Variants in TMEM183A observed in about 807,000 individuals in gnomAD.
TMEM183A encodes the protein chromosome 1 open reading frame 37.
A neutral mutation model predicts 46.7 loss-of-function variants in TMEM183A; 21 were observed. The ratio of observed to expected loss-of-function variants is 0.45; its 90% CI spans 0.32 to 0.65. The LOEUF is 0.65. Ranked by LOEUF, TMEM183A falls within the 30% of genes least tolerant of loss-of-function variation. TMEM183A has a pLI of 0.04. For synonymous variants in TMEM183A, 165 were observed against 180.2 expected, an observed-to-expected ratio of 0.92 and a Z score of 0.68; for missense variants, 331 against 481.9, an observed-to-expected ratio of 0.69 and a Z score of 2.93.
In TMEM183A at chr1:203,022,917, C is replaced by T. The variant is rs199954982; in HGVS notation, c.1008C>T (p.Ser336=). 84 of 1,613,154 alleles carry T rather than the reference C, an allele frequency of 5.2e-5. No individual in the cohort carries two copies. Among genetic ancestry groups the T allele is most frequent in the Middle Eastern group, 1.7e-4 (1 of 6,056 alleles). The change falls in exon 8 of 8, where the codon TCC becomes TCT. Residue 336 remains serine, a synonymous_variant. Transcript: ENST00000367242. The stretch of plus-strand genomic sequence containing the variant: ...GAGTGAGACTGGTGTTCCAAGATTC[C>T]CCTGTCCATGGTGGTCGGAAACTGC... The part of the protein sequence containing the change: ...HHRVRLVFQD[S]PVHGGRKLRS...
At chr1:203,008,380 G>A (rs1656194956) in intron 2 of TMEM183A, among the ~76,000 whole-genome samples, 1 of 149,818 alleles carries the variant, frequency 6.7e-6, no homozygotes, top group South Asian at 2.1e-4. Flanking sequence ...TGGAAAAATT[G>A]TACACACCTT....
rs891308502 is a variant in TMEM183A, at chr1:203,013,512, A to G, written c.368-1377A>G. 6.6e-6 allele frequency among the ~76,000 whole-genome samples: 1 copy of G among 151,166 alleles called. No individual in the cohort carries two copies. The highest frequency in any genetic ancestry group is 1.5e-5 in the Non-Finnish European group (1 of 67,812). On this transcript the variant is annotated intron_variant, in intron 3 of 7. Transcript: ENST00000367242. This position sits in a 1 kb window ranked among gnomAD's most constrained non-coding sequence, Gnocchi z 4.0. ...AGTTCTGAAGAAGGAAGAGATAGGG[A>G]CACTTTTTTTTTTTTTTGAGATAGA...
In TMEM183A at chr1:203,008,823, T is replaced by C; in HGVS notation, c.367+13T>C. On this transcript the variant is annotated intron_variant, in intron 3 of 7. Transcript: ENST00000367242. ...AAGAGACACAAAGGTATGGAGCTTG[T>C]TCTCTTTTGGTTTATTAGACCTGCC... 6.3e-7 allele frequency: 1 copy of C among 1,585,156 alleles called. No individual in the cohort carries two copies.
rs1656843593 is a variant in TMEM183A at position 203,013,226 on chromosome 1, CAT to C, written c.368-1661_368-1660del. 6.6e-6 allele frequency among the ~76,000 whole-genome samples: 1 copy of C among 152,166 alleles called. No homozygotes were observed. Among genetic ancestry groups the C allele is most frequent in the African/African-American group, 2.4e-5 (1 of 41,444 alleles). ...ACCTAACCAAATAACCTGATCTAAT[CAT>C]AGAGCTGTAGGAAGCAGTTAGCTAG... On this transcript the variant is annotated intron_variant, in intron 3 of 7. Coordinates refer to ENST00000367242, the MANE Select transcript of TMEM183A (RefSeq NM_138391.6). This position sits in a 1 kb window ranked among gnomAD's most constrained non-coding sequence, Gnocchi z 4.0.
At chr1:203,022,759 G>C (rs1274828635) in intron 7 of TMEM183A, 96 bp from the exon 8 acceptor site, 30 of 1,511,500 alleles carry the variant, frequency 2.0e-5, no homozygotes, top group Non-Finnish European at 2.6e-5. Context: ...TTGTGGCCTA[G>C]CCAGTATAAA....
chr1:203,022,755 C>T (rs1332129460), intron 7 of TMEM183A, 100 bp from the exon 8 acceptor site: 1 of 1,501,478 alleles, frequency 6.7e-7, no homozygotes, highest in Non-Finnish European at 9.2e-7. Context: ...AATCTTGTGG[C>T]CTAGCCAGTA....
At chr1:203,017,714 C>G in intron 5 of TMEM183A, 1 of 985,534 alleles carries the variant, frequency 1.0e-6, no homozygotes, top group Non-Finnish European at 1.2e-6. Context: ...TGTTTCTGGA[C>G]TCTAGCTTTT....
intron 3 of TMEM183A, among the ~76,000 whole-genome samples, chr1:203,012,984 C>T (rs1456159415): frequency 6.6e-6 from 1 of 152,100 alleles, no homozygotes; most frequent in Non-Finnish European, 1.5e-5. Flanking sequence ...CCTCCCAAAG[C>T]GTTGAGATTA....
intron 6 of TMEM183A, among the ~76,000 whole-genome samples, chr1:203,019,423 T>A (rs189154825): frequency 1.3e-5 from 2 of 152,324 alleles, no homozygotes; most frequent in Admixed American, 1.3e-4. Context: ...GAATGTGCTA[T>A]GGATAAGATG....
intron 3 of TMEM183A, among the ~76,000 whole-genome samples, chr1:203,010,215 C>T (rs1284058319): frequency 6.6e-6 from 1 of 151,812 alleles, no homozygotes; most frequent in Admixed American, 6.6e-5. Flanking sequence ...TTCACCTGTA[C>T]CTGAGAATCA....
At chr1:203,016,212 C>T in intron 5 of TMEM183A, 72 bp downstream of exon 5, 1 of 1,603,958 alleles carries the variant, frequency 6.2e-7, no homozygotes, top group South Asian at 1.1e-5. Flanking sequence ...TGGCTTGTCT[C>T]CAGCTTCCTT....
In TMEM183A at chr1:203,022,899, A is replaced by G. The variant is rs1182965604; in HGVS notation, c.990A>G (p.Arg330=). The G allele has an allele frequency of 1.2e-6, 2 of 1,613,346 alleles. No homozygotes were observed. The highest frequency in any genetic ancestry group is 1.7e-6 in the Non-Finnish European group (2 of 1,179,780). ...VSTDMRHHRV[R]LVFQDSPVHG... ...CGGACATGCGGCATCATCGAGTGAG[A>G]CTGGTGTTCCAAGATTCCCCTGTCC... Residue 330 remains arginine (R), a synonymous_variant, in exon 8 of 8, where the codon AGA becomes AGG. Coordinates refer to ENST00000367242, the MANE Select transcript of TMEM183A (RefSeq NM_138391.6).
Position 203,013,515 on chromosome 1 carries a change from C to CT in TMEM183A, c.368-1360dup, listed in dbSNP as rs1007956994. On this transcript the variant is annotated intron_variant, in intron 3 of 7. Transcript: ENST00000367242. This position sits in a 1 kb window ranked among gnomAD's most constrained non-coding sequence, Gnocchi z 4.0. The stretch of plus-strand genomic sequence containing the variant: ...TCTGAAGAAGGAAGAGATAGGGACA[C>CT]TTTTTTTTTTTTTTGAGATAGAGTT... Among the ~76,000 whole-genome samples the CT allele has an allele frequency of 0.011, 1,530 of 143,654 alleles. 5 individuals are homozygous for CT. Among genetic ancestry groups the CT allele is most frequent in the African/African-American group, 0.024 (925 of 39,344 alleles). The allele number at this position is 143,654 out of a possible 152,430, so 94.2% of individuals were successfully genotyped here.
rs111906628 is a variant in TMEM183A at position 203,024,480 on chromosome 1, A to ATTTTTTTTTTT, written c.*1445_*1446insTTTTTTTTTTT. On this transcript the variant is annotated 3_prime_UTR_variant, in exon 8 of 8. Transcript: ENST00000367242. ...TTGTGAGGCAAACTGCTAAATTCAC[A>ATTTTTTTTTTT]TTTTTGTTTTTTTTTTTTTACCATC... 2.1e-5 allele frequency: 3 copies of ATTTTTTTTTTT among 143,278 alleles called. No individual in the cohort carries two copies. Among genetic ancestry groups the ATTTTTTTTTTT allele is most frequent in the Non-Finnish European group, 1.5e-5 (1 of 64,776 alleles). 8.9% of individuals were successfully genotyped at this position (143,278 alleles called of 1,614,324 possible).
At chr1:203,008,935 G>A (rs566823401) in intron 3 of TMEM183A, 125 bp downstream of exon 3, 49 of 1,049,888 alleles carry the variant, frequency 4.7e-5, no homozygotes, top group South Asian at 4.4e-4. Flanking sequence ...AGAAAACTTG[G>A]CTCTCCCTAA....
chr1:203,014,062 C>T (rs1193658096), intron 3 of TMEM183A, among the ~76,000 whole-genome samples: 1 of 152,142 alleles, frequency 6.6e-6, no homozygotes, highest in East Asian at 1.9e-4. Context: ...CTGCCTATAC[C>T]ATCTTAAAGT....
chr1:203,020,982 C>CTTTTTT, intron 7 of TMEM183A, 34 bp downstream of exon 7: 5 of 1,233,052 alleles, frequency 4.1e-6, no homozygotes, highest in East Asian at 3.4e-5. Flanking sequence ...TTCTCAGCTC[C>CTTTTTT]TTTTTTTTTT....
intron 2 of TMEM183A, 129 bp downstream of exon 2, chr1:203,007,992 A>C: frequency 8.9e-7 from 1 of 1,129,718 alleles, no homozygotes; most frequent in South Asian, 1.6e-5. Flanking sequence ...GTTAACTTAC[A>C]TATTGGGGTG....
Position 203,007,434 on chromosome 1 carries a change from C to G in TMEM183A, c.-32C>G. ...CGCGGAGCCGGGCGGAGCTGGCTTG[C>G]GGCTCCCGGGGCCGGCTCTCCGGCC... On this transcript the variant is annotated 5_prime_UTR_variant, in exon 1 of 8. Transcript: ENST00000367242. 5 of 1,396,046 alleles carry G rather than the reference C, an allele frequency of 3.6e-6. No individual in the cohort carries two copies. The highest frequency in any genetic ancestry group is 1.5e-5 in the South Asian group (1 of 67,208). 86.5% of individuals were successfully genotyped at this position (1,396,046 alleles called of 1,614,324 possible).
Sources: allele counts gnomAD v4.1 joint callset (sites outside exome capture counted in the v4.1 genomes callset), GRCh38; gene constraint gnomAD v4.1.1; non-coding constraint Gnocchi (gnomAD v3.1); transcripts MANE v1.5; gene names NCBI Gene and HGNC (gene_info 2026-07-23, HGNC 2026-07-21).